Variants in NRG1 observed in about 807,000 individuals in gnomAD.
NRG1 encodes neuregulin 1, also known as pro-neuregulin-1, membrane-bound isoform.
In NRG1, 18 loss-of-function variants were observed where a neutral mutation model predicts 63.8. The observed-to-expected ratio is 0.28, with a 90% CI of 0.19 to 0.42. NRG1 has a LOEUF of 0.42. Among genes scored for constraint, NRG1 ranks in the 10% least tolerant of loss-of-function variants. The pLI is 1.00. For synonymous variants in NRG1, 302 were observed against 301.3 expected (o/e 1.00, Z -0.02); for missense variants, 762 against 814.7 (o/e 0.94, Z 0.79).
chr8:32,243,379 G>A (rs1336721329), intron 1 of NRG1, among the ~76,000 whole-genome samples: 1 of 150,788 alleles, frequency 6.6e-6, no homozygotes, highest in Non-Finnish European at 1.5e-5. Flanking sequence ...GCAGTGAGCT[G>A]AGATCATGCC....
chr8:32,158,468 T>C (rs1016664333), intron 1 of NRG1, among the ~76,000 whole-genome samples: 1 of 131,120 alleles, frequency 7.6e-6, no homozygotes, highest in African/African-American at 2.8e-5. Context: ...TATATATATA[T>C]ATATCATGTA....
At chr8:32,137,579 T>C (rs973853870) in intron 1 of NRG1, among the ~76,000 whole-genome samples, 6 of 152,190 alleles carry the variant, frequency 3.9e-5, no homozygotes, top group African/African-American at 1.4e-4. Flanking sequence ...TGTCGTGAGA[T>C]TCCAAGTATT....
At chr8:32,197,610 C>T (rs1181076013) in intron 1 of NRG1, among the ~76,000 whole-genome samples, 1 of 152,182 alleles carries the variant, frequency 6.6e-6, no homozygotes, top group African/African-American at 2.4e-5. Flanking sequence ...CAGTTTTAAC[C>T]TTTCAGAAGT....
chr8:32,411,791 T>C (rs1814988043), intron 1 of NRG1, among the ~76,000 whole-genome samples: 1 of 152,234 alleles, frequency 6.6e-6, no homozygotes, highest in Admixed American at 6.5e-5. Context: ...TAAAATCAGT[T>C]GCATCCGAAA....
chr8:31,903,148 C>CTT (rs35433200), intron 1 of NRG1, among the ~76,000 whole-genome samples: 19,628 of 125,286 alleles, frequency 0.16, 2,247 homozygotes, highest in African/African-American at 0.26. Context: ...GAGCCTTCAA[C>CTT]TTTTTTTTTT....
intron 1 of NRG1, among the ~76,000 whole-genome samples, chr8:32,416,330 A>G (rs1288644392): frequency 4.5e-5 from 5 of 111,456 alleles, no homozygotes; most frequent in Non-Finnish European, 7.2e-5. Context: ...TTCCTTCCTT[A>G]ATTCCTTCTG....
At chr8:32,390,799 A>G (rs1369233077) in intron 1 of NRG1, among the ~76,000 whole-genome samples, 1 of 152,060 alleles carries the variant, frequency 6.6e-6, no homozygotes, top group Non-Finnish European at 1.5e-5. Context: ...CAGAGCCTGT[A>G]TTCCCATTCG....
At chr8:32,557,753 C>G (rs956407965) in intron 1 of NRG1, among the ~76,000 whole-genome samples, 1 of 151,914 alleles carries the variant, frequency 6.6e-6, no homozygotes, top group East Asian at 1.9e-4. Context: ...TACTTACAGG[C>G]ATTATGGAAA....
At chr8:32,125,749 G>A (rs1833989054) in intron 1 of NRG1, among the ~76,000 whole-genome samples, 2 of 151,784 alleles carry the variant, frequency 1.3e-5, no homozygotes, top group African/African-American at 4.8e-5. Context: ...CAAGTCTTTT[G>A]ATAAGAAAGA....
intron 1 of NRG1, among the ~76,000 whole-genome samples, chr8:31,893,436 G>C (rs1831309607): frequency 6.6e-6 from 1 of 151,238 alleles, no homozygotes. Flanking sequence ...AATGTAAAGA[G>C]AAACATTAGT....
exon 3 of NRG1, chr8:32,605,652 C>T (rs866029567): frequency 1.3e-5 from 21 of 1,613,222 alleles, no homozygotes; most frequent in Middle Eastern, 3.3e-4. Flanking sequence ...ATGACAGTGC[C>T]TCTGCCAATA....
intron 1 of NRG1, among the ~76,000 whole-genome samples, chr8:31,693,759 T>C (rs904010817): frequency 5.3e-5 from 8 of 152,210 alleles, no homozygotes; most frequent in African/African-American, 1.7e-4. Context: ...AATCAATGGC[T>C]GATATGTGTC....
At chr8:31,878,561 CTGAG>C (rs1830103924) in intron 1 of NRG1, among the ~76,000 whole-genome samples, 1 of 152,196 alleles carries the variant, frequency 6.6e-6, no homozygotes, top group Non-Finnish European at 1.5e-5. Context: ...TCGCCACAAA[CTGAG>C]TGGCACACAT....
At chr8:32,726,314 T>C (rs768990211) in intron 5 of NRG1, among the ~76,000 whole-genome samples, 3 of 152,122 alleles carry the variant, frequency 2.0e-5, no homozygotes, top group Non-Finnish European at 4.4e-5. Context: ...CTATTATTCA[T>C]TGAATGCCAA....
chr8:32,233,815 T>A (rs1847260182), intron 1 of NRG1, among the ~76,000 whole-genome samples: 1 of 151,902 alleles, frequency 6.6e-6, no homozygotes, highest in Non-Finnish European at 1.5e-5. Flanking sequence ...CACCCCCCCA[T>A]CAGCCTCCCA....
At chr8:32,698,488 A>G (rs1337558883) in intron 5 of NRG1, among the ~76,000 whole-genome samples, 3 of 152,248 alleles carry the variant, frequency 2.0e-5, no homozygotes, top group South Asian at 2.1e-4. Context: ...ACATAAGCAC[A>G]GCATTAAGGT....
At chr8:32,391,617 TG>T (rs1811777525) in intron 1 of NRG1, among the ~76,000 whole-genome samples, 1 of 152,188 alleles carries the variant, frequency 6.6e-6, no homozygotes, top group Admixed American at 6.5e-5. Flanking sequence ...ATGTGGTATT[TG>T]GTTTTCCATT....
chr8:32,547,999 G>GGGTTCCCGGGTCTCCT (rs1563616503), upstream of NRG1, among the ~76,000 whole-genome samples: 1 of 151,874 alleles, frequency 6.6e-6, no homozygotes, highest in Non-Finnish European at 1.5e-5. Context: ...TCGGGTCTCC[G>GGGTTCCCGGGTCTCCT]CCTGGGTTCC....
chr8:32,098,624 C>T (rs188822955), intron 1 of NRG1: 1 of 152,296 alleles, frequency 6.6e-6, no homozygotes, highest in Non-Finnish European at 1.5e-5. Flanking sequence ...AAATGTTTCA[C>T]AGAGGGTTCT....
Sources: allele counts gnomAD v4.1 joint callset (sites outside exome capture counted in the v4.1 genomes callset), GRCh38; gene constraint gnomAD v4.1.1; transcripts MANE v1.5; gene names NCBI Gene and HGNC (gene_info 2026-07-23, HGNC 2026-07-21).